Variants in MUC4 observed in about 807,000 individuals in gnomAD.
The protein encoded by MUC4 is mucin 4, cell surface associated, also known as mucin-4.
A neutral mutation model predicts 257.9 loss-of-function variants in MUC4; 202 were observed. That is an observed-to-expected ratio of 0.78 (90% CI 0.70 to 0.88). MUC4 has a LOEUF of 0.88. Ranked by LOEUF, MUC4 falls within the 40% of genes least tolerant of loss-of-function variation. MUC4 has a pLI of 0.00. For missense variants in MUC4, 5,976 were observed against 6,513.7 expected, an observed-to-expected ratio of 0.92 and a Z score of 2.84; for synonymous variants, 2,351 against 2,757.1, an observed-to-expected ratio of 0.85 and a Z score of 4.62.
intron 2 of MUC4, 53 bp from the exon 3 acceptor site, chr3:195,778,508 G>A (rs1393770611): frequency 2.1e-5 from 34 of 1,591,168 alleles, no homozygotes; most frequent in Non-Finnish European, 2.5e-5. Flanking sequence ...CAAAACAGGA[G>A]AGTCAAAGAG....
Position 195,782,109 on chromosome 3 carries a change from GTCGGTGACAGGAAGAGGGGTGGTGTCAC to G in MUC4, c.9443_9470del (p.Gly3148AlafsTer1102). The G allele has an allele frequency of 7.3e-7, 1 of 1,369,260 alleles. No homozygotes were observed. The allele number at this position is 1,369,260 out of a possible 1,614,324, so 84.8% of individuals were successfully genotyped here. A position where few individuals can be genotyped will look rare whatever the true frequency, so the allele number is the denominator to read the frequency against. ...CCTGACCTGTGGATGCTGAGGAAGT[GTCGGTGACAGGAAGAGGGGTGGTGTCAC>G]CTGTGGATGCTGAGGAAGTGCTGGT... On this transcript the variant is annotated frameshift_variant, in exon 2 of 25. Transcript: ENST00000463781. LOFTEE classifies it high-confidence loss of function.
In MUC4 at chr3:195,789,321, T is replaced by C. The variant is rs1184743947; in HGVS notation, c.2259A>G (p.Gly753=). The C allele has an allele frequency of 1.9e-6, 3 of 1,613,802 alleles. No individual in the cohort carries two copies. The highest frequency in any genetic ancestry group is 2.7e-5 in the African/African-American group (2 of 74,896). The change falls in exon 2 of 25, where the codon GGA becomes GGG. Residue 753 remains glycine (G), a synonymous_variant. Coordinates refer to ENST00000463781, the MANE Select transcript of MUC4 (RefSeq NM_018406.7). ...TGCTGGCAGAGGCTGATGTCCATTG[T>C]CCTTCTGGGCCCCCTGGTGTTGACA... The part of the protein sequence containing the change: ...SVVSTPGGPE[G]QWTSASASTS...
In MUC4 at chr3:195,782,895, G is replaced by T; in HGVS notation, c.8685C>A (p.Thr2895=). ...DASSVSTGHA[T]PLPLTSLSSV... is the part of the protein sequence containing the mutation. ...AGGAAAGGCTGGTGAGAGGAAGAGG[G>T]GTAGCGTGACCTGTGGACACTGAGG... Residue 2895 remains threonine (T), a synonymous_variant, in exon 2 of 25, where the codon ACC becomes ACA. Coordinates refer to ENST00000463781, the MANE Select transcript of MUC4 (RefSeq NM_018406.7). The T allele has an allele frequency of 2.0e-6, 3 of 1,514,674 alleles. No homozygotes were observed. Among genetic ancestry groups the T allele is most frequent in the South Asian group, 2.4e-5 (2 of 83,126 alleles). The allele number at this position is 1,514,674 out of a possible 1,614,324, so 93.8% of individuals were successfully genotyped here. A position where few individuals can be genotyped will look rare whatever the true frequency, so the allele number is the denominator to read the frequency against.
rs71321847 is a variant in MUC4 at position 195,788,221 on chromosome 3, G to A, written c.3359C>T (p.Pro1120Leu). 6.8e-7 allele frequency: 1 copy of A among 1,474,960 alleles called. No individual in the cohort carries two copies. 91.4% of individuals were successfully genotyped at this position (1,474,960 alleles called of 1,614,324 possible). A position where few individuals can be genotyped will look rare whatever the true frequency, so the allele number is the denominator to read the frequency against. The change falls in exon 2 of 25, where the codon CCT (proline) becomes CTT (leucine). Residue 1120 changes from proline to leucine, a missense_variant. Pro to Leu is a moderately conservative substitution (Grantham distance 98). Transcript: ENST00000463781. The part of the protein sequence containing the change: ...TSSVSTGHTT[P>L]LPVTDTSSAS... ...TGAGGAAGTGTCGGTGACAGGAAGA[G>A]GGGTGGTGTGACCTGTGGATACTGA...
At chr3:195,807,239 C>T (rs1042869127) in intron 1 of MUC4, among the ~76,000 whole-genome samples, 11 of 152,186 alleles carry the variant, frequency 7.2e-5, no homozygotes, top group African/African-American at 2.7e-4. Flanking sequence ...GGAGCCGAGG[C>T]GAGCGGATCA....
chr3:195,772,569 A>G (rs577197493), intron 4 of MUC4, among the ~76,000 whole-genome samples: 1 of 133,736 alleles, frequency 7.5e-6, no homozygotes, highest in African/African-American at 3.2e-5. Context: ...TCCACCGCTC[A>G]GGGGTGTAGA....
chr3:195,763,763 C>G, intron 11 of MUC4, 122 bp from the exon 12 acceptor site: 1 of 1,094,922 alleles, frequency 9.1e-7, no homozygotes, highest in Non-Finnish European at 1.3e-6. Flanking sequence ...TCACTGCAGT[C>G]GACTGGGGCA....
Position 195,788,639 on chromosome 3 carries a change from A to C in MUC4, c.2941T>G (p.Tyr981Asp), listed in dbSNP as rs147508192. The change falls in exon 2 of 25, where the codon TAC becomes GAC. Residue 981 changes from tyrosine to aspartate, a missense_variant. By Grantham distance (160) the Tyr-to-Asp change is radical. This residue lies in a region of MUC4 where 1,583 missense variants were observed against 1,257.4 expected (regional missense o/e 1.26). Coordinates refer to ENST00000463781, the MANE Select transcript of MUC4 (RefSeq NM_018406.7). ...ISNATPLPVT[Y>D]ASSASTGHTT... ...TGACCTGTGGATGCCGAGGAAGCGT[A>C]GGTGACAGGAAGAGGGGTGGCGTTG... 0.013 allele frequency: 19,836 copies of C among 1,476,424 alleles called. 199 individuals are homozygous for C. The highest frequency in any genetic ancestry group is 0.016 in the Non-Finnish European group (17,412 of 1,096,462). 91.5% of individuals were successfully genotyped at this position (1,476,424 alleles called of 1,614,324 possible). A position where few individuals can be genotyped will look rare whatever the true frequency, so the allele number is the denominator to read the frequency against.
In MUC4 at chr3:195,754,504, T is replaced by A. The variant is rs950949581; in HGVS notation, c.15169-132A>T. On this transcript the variant is annotated intron_variant, in intron 18 of 24. Transcript: ENST00000463781. Reference sequence around the variant, plus strand: ...ATGTCTCAGCCCCACCAGCACCTGCTGAGCACCTTCTTGACCAGGCCGTGG... The same window carrying A: ...ATGTCTCAGCCCCACCAGCACCTGCAGAGCACCTTCTTGACCAGGCCGTGG... The A allele has an allele frequency of 3.2e-5, 38 of 1,203,124 alleles. No homozygotes were observed. In the Admixed American group the frequency reaches 8.7e-4, roughly 28 times the overall value. 74.5% of individuals were successfully genotyped at this position (1,203,124 alleles called of 1,614,324 possible).
At position 195,781,143 on chromosome 3, in the gene MUC4, G is replaced by A. The variant is rs1253183659; in HGVS notation, c.10437C>T (p.Ser3479=). The A allele has an allele frequency of 2.4e-5, 36 of 1,470,376 alleles. 7 individuals are homozygous for A. The highest frequency in any genetic ancestry group is 4.7e-4 in the Middle Eastern group (2 of 4,242). 91.1% of individuals were successfully genotyped at this position (1,470,376 alleles called of 1,614,324 possible). ...DTTPLPVTSP[S]SASTGHTTPL... ...GGGTGGTGTGACCTGTAGATGCTGA[G>A]GAAGGGCTGGTGACAGGAAGAGGGG... The change falls in exon 2 of 25, where the codon TCC becomes TCT. Residue 3479 remains serine (S), a synonymous_variant. Coordinates refer to ENST00000463781, the MANE Select transcript of MUC4 (RefSeq NM_018406.7).
intron 2 of MUC4, 103 bp from the exon 3 acceptor site, chr3:195,778,558 TC>T: frequency 6.8e-7 from 1 of 1,461,930 alleles, no homozygotes; most frequent in Non-Finnish European, 9.3e-7. Context: ...AGCTGGAAAC[TC>T]CTTGTCTCTC....
In MUC4 at chr3:195,754,340, G is replaced by A. The variant is rs773361472; in HGVS notation, c.15201C>T (p.Phe5067=). The A allele has an allele frequency of 5.6e-6, 9 of 1,611,404 alleles. No homozygotes were observed. The African/African-American group carries it at 6.7e-5, about 12-fold the overall frequency. Residue 5067 remains phenylalanine (F), a synonymous_variant, in exon 19 of 25, where the codon TTC becomes TTT. Coordinates refer to ENST00000463781, the MANE Select transcript of MUC4 (RefSeq NM_018406.7). The part of the protein sequence containing the change: ...VAGCKCDGGT[F]GRYCEGSEDA... Reference sequence around the variant, plus strand: ...CCTCGGAGCCCTCGCAGTAGCGGCCGAAGGTGCCCCCGTCACACTTGCAGC... The same window carrying A: ...CCTCGGAGCCCTCGCAGTAGCGGCCAAAGGTGCCCCCGTCACACTTGCAGC...
rs560580435 is a variant in MUC4, at chr3:195,788,060, G to C, written c.3520C>G (p.Leu1174Val). The C allele has an allele frequency of 1.4e-6, 2 of 1,449,278 alleles. No homozygotes were observed. The allele number at this position is 1,449,278 out of a possible 1,614,324, so 89.8% of individuals were successfully genotyped here. The stretch of plus-strand genomic sequence containing the variant: ...GTGTCACCTGTGGATACTGAGGAAA[G>C]GCTGGTGACAGGAAGAGGGGTGGCC... ...GQATPLPVTS[L>V]SSVSTGDTTP... The change falls in exon 2 of 25, where the codon CTT becomes GTT. Residue 1174 changes from leucine (L) to valine (V), a missense_variant. Leu to Val is a conservative substitution (Grantham distance 32). This residue lies in a region of MUC4 where 90 missense variants were observed against 106.2 expected (regional missense o/e 0.85). Coordinates refer to ENST00000463781, the MANE Select transcript of MUC4 (RefSeq NM_018406.7).
At chr3:195,778,542 A>T in intron 2 of MUC4, 87 bp from the exon 3 acceptor site, 1 of 1,551,426 alleles carries the variant, frequency 6.4e-7, no homozygotes, top group Non-Finnish European at 8.7e-7. Flanking sequence ...AGGAGCTGGA[A>T]GAGGGAGCTG....
At position 195,747,139 on chromosome 3, in the gene MUC4, G is replaced by A. The variant is rs1715182288; in HGVS notation, c.*37C>T. The A allele has an allele frequency of 1.2e-6, 2 of 1,612,192 alleles. No individual in the cohort carries two copies. Among genetic ancestry groups the A allele is most frequent in the Non-Finnish European group, 8.5e-7 (1 of 1,178,288 alleles). ...CGCCTTAAATGTGCGGTAAGGATGA[G>A]GTGAGTCTTGAGGTAGCCTAGGCCA... is the stretch of plus-strand genomic sequence containing the variant. On this transcript the variant is annotated 3_prime_UTR_variant, in exon 25 of 25. Transcript: ENST00000463781.
rs747726297 is a variant in MUC4, at chr3:195,779,375, T to C, written c.12205A>G (p.Ser4069Gly). 6.6e-4 allele frequency: 737 copies of C among 1,112,012 alleles called. 242 individuals are homozygous for C. The highest frequency in any genetic ancestry group is 3.3e-3 in the South Asian group (223 of 67,176). The allele number at this position is 1,112,012 out of a possible 1,614,324, so 68.9% of individuals were successfully genotyped here. A position where few individuals can be genotyped will look rare whatever the true frequency, so the allele number is the denominator to read the frequency against. ...TCACCTCTGGATGCTGAGGAAGGGCTGGTGACATGAAGAGGGGTGGCGTGA... is the reference window on the plus strand; with the variant it reads ...TCACCTCTGGATGCTGAGGAAGGGCCGGTGACATGAAGAGGGGTGGCGTGA... ...TGHATPLHVT[S>G]PSSASRGDTS... Residue 4069 changes from serine to glycine, a missense_variant, in exon 2 of 25, where the codon AGC becomes GGC. Physicochemically the swap from Ser to Gly is moderately conservative, Grantham distance 56. Transcript: ENST00000463781.
rs771817828 is a variant in MUC4, at chr3:195,780,554, C to A, written c.11026G>T (p.Gly3676Cys). 1.3e-6 allele frequency: 1 copy of A among 751,706 alleles called. No homozygotes were observed. The highest frequency in any genetic ancestry group is 8.3e-5 in the East Asian group (1 of 11,994). 46.6% of individuals were successfully genotyped at this position (751,706 alleles called of 1,614,324 possible). A position where few individuals can be genotyped will look rare whatever the true frequency, so the allele number is the denominator to read the frequency against. ...PVTDTSSAST[G>C]DTTRLPVTDT... The stretch of plus-strand genomic sequence containing the variant: ...GTGACAGGAAGACGGGTGGTGTCAC[C>A]TGTGGATGCTGAGGAAGTGTCGGTG... Residue 3676 changes from glycine to cysteine, a missense_variant, in exon 2 of 25, where the codon GGT becomes TGT. Transcript: ENST00000463781.
intron 7 of MUC4, among the ~76,000 whole-genome samples, chr3:195,767,914 C>CCACT (rs1721887825): frequency 8.8e-6 from 1 of 114,250 alleles, no homozygotes; most frequent in Non-Finnish European, 1.7e-5. Flanking sequence ...CCATCACCAT[C>CCACT]GCCACTGCCA....
intron 7 of MUC4, among the ~76,000 whole-genome samples, chr3:195,767,879 A>ACCACCATCACCACCACCATCG: frequency 7.0e-6 from 1 of 142,164 alleles, no homozygotes; most frequent in South Asian, 2.2e-4. Flanking sequence ...CACCACCATC[A>ACCACCATCACCACCACCATCG]CCACCATCAC....
Sources: gnomAD v4.1 joint callset for allele counts (sites outside exome capture counted in the v4.1 genomes callset) on GRCh38, gnomAD v4.1.1 for gene constraint, gnomAD v4.1.1 regional missense constraint, MANE v1.5 for transcripts, NCBI Gene and HGNC (gene_info 2026-07-23, HGNC 2026-07-21) for gene names.